The following DENND5A variants were observed in gnomAD, a reference collection of about 807,000 sequenced individuals.
DENND5A encodes the protein DENN domain-containing protein 5A.
DENND5A carries 64 observed loss-of-function variants against 140.3 expected under a neutral mutation model. The observed-to-expected ratio is 0.46, with a 90% CI of 0.37 to 0.56. The LOEUF (loss-of-function observed/expected upper bound fraction) is 0.56, where lower values mean the gene tolerates loss of function less well. Ranked by LOEUF, DENND5A falls within the 20% of genes least tolerant of loss-of-function variation. The pLI is 0.00. For missense variants in DENND5A, 1,292 were observed against 1,593.8 expected (o/e 0.81, Z 3.22); for synonymous variants, 605 against 607.7 (o/e 1.00, Z 0.07).
chr11:9,218,469 G>A (rs1023300286), intron 1 of DENND5A, among the ~76,000 whole-genome samples: 1 of 152,088 alleles, frequency 6.6e-6, no homozygotes. Flanking sequence ...GGGATGCAGT[G>A]GCTCCCAGCT....
chr11:9,162,182 T>C (rs1224596764), intron 11 of DENND5A, among the ~76,000 whole-genome samples: 1 of 150,324 alleles, frequency 6.7e-6, no homozygotes, highest in East Asian at 1.9e-4. Context: ...GTGAAATATA[T>C]AATATATATA....
rs115717490 is a variant in DENND5A, at chr11:9,231,746, T to C, written c.110-24114A>G. Among the ~76,000 whole-genome samples, 548 of 145,080 alleles carry C rather than the reference T, an allele frequency of 3.8e-3. 6 individuals carry two copies. The highest frequency in any genetic ancestry group is 0.014 in the African/African-American group (526 of 38,578). Reference sequence around the variant, plus strand: ...AAAAAAAAAAAAGACTCTGGGAGCTTCCTGTTAGTTTACCCTCAGTAACAT... The same window carrying C: ...AAAAAAAAAAAAGACTCTGGGAGCTCCCTGTTAGTTTACCCTCAGTAACAT... On this transcript the variant is annotated intron_variant, in intron 1 of 22. Transcript: ENST00000328194.
intron 1 of DENND5A, among the ~76,000 whole-genome samples, chr11:9,261,355 T>TA (rs1852189395): frequency 6.6e-6 from 1 of 152,154 alleles, no homozygotes; most frequent in Non-Finnish European, 1.5e-5. Context: ...GGCTACAAAT[T>TA]ACAATTTCCT....
chr11:9,231,750 G>A (rs1850783341), intron 1 of DENND5A, among the ~76,000 whole-genome samples: 1 of 147,806 alleles, frequency 6.8e-6, no homozygotes, highest in Non-Finnish European at 1.5e-5. Flanking sequence ...GGAGCTTCCT[G>A]TTAGTTTACC....
intron 5 of DENND5A, among the ~76,000 whole-genome samples, chr11:9,186,897 A>G (rs1296820228): frequency 6.6e-6 from 1 of 152,176 alleles, no homozygotes; most frequent in Non-Finnish European, 1.5e-5. Flanking sequence ...TCTGGCCAAC[A>G]TGGTGAAACC....
At chr11:9,179,210 G>GA in intron 6 of DENND5A, 137 bp from the exon 7 acceptor site, 2 of 684,734 alleles carry the variant, frequency 2.9e-6, no homozygotes, top group East Asian at 5.5e-5. Context: ...AACAAAAGAG[G>GA]AAAAACTGGA....
intron 1 of DENND5A, among the ~76,000 whole-genome samples, chr11:9,246,004 G>T (rs369524636): frequency 1.3e-5 from 2 of 152,212 alleles, no homozygotes; most frequent in African/African-American, 4.8e-5. Flanking sequence ...TTCTACCAAA[G>T]TTAAGAAATT....
At chr11:9,207,234 A>G (rs905401785) in intron 2 of DENND5A, 1 of 483,232 alleles carries the variant, frequency 2.1e-6, no homozygotes, top group African/African-American at 2.0e-5. Context: ...AGAAATGAAA[A>G]GATGTAAGAA....
Position 9,265,172 on chromosome 11 carries a change from G to C in DENND5A, c.-103C>G. 1.7e-6 allele frequency: 1 copy of C among 588,878 alleles called. No individual in the cohort carries two copies. The highest frequency in any genetic ancestry group is 2.1e-6 in the Non-Finnish European group (1 of 465,974). The allele number at this position is 588,878 out of a possible 1,614,324, so 36.5% of individuals were successfully genotyped here. ...TCAGGCCGCCCCTCCCGCCGCCGCC[G>C]CTACCGCGGCTCGGGCCGCCGCCCC... is the stretch of plus-strand genomic sequence containing the variant. On this transcript the variant is annotated 5_prime_UTR_variant, in exon 1 of 23. Transcript: ENST00000328194. The surrounding 1 kb of genome is among the most constrained non-coding windows in gnomAD (Gnocchi z 4.7).
At chr11:9,194,073 A>G (rs1849233353) in intron 4 of DENND5A, among the ~76,000 whole-genome samples, 1 of 152,212 alleles carries the variant, frequency 6.6e-6, no homozygotes. Context: ...GGAAGCAAAA[A>G]CATGCTCAGT....
chr11:9,194,436 G>T (rs931311752), intron 4 of DENND5A, among the ~76,000 whole-genome samples: 2 of 151,964 alleles, frequency 1.3e-5, no homozygotes, highest in Non-Finnish European at 2.9e-5. Flanking sequence ...GGGCGTGGTG[G>T]CATGCACCTG....
intron 1 of DENND5A, among the ~76,000 whole-genome samples, chr11:9,254,025 G>C (rs1310524429): frequency 6.6e-6 from 1 of 151,886 alleles, no homozygotes; most frequent in Non-Finnish European, 1.5e-5. Context: ...GCATGGTGGC[G>C]CATGCCTATA....
At chr11:9,141,536 T>C (rs1215080704) in intron 22 of DENND5A, among the ~76,000 whole-genome samples, 1 of 152,182 alleles carries the variant, frequency 6.6e-6, no homozygotes, top group African/African-American at 2.4e-5. Flanking sequence ...CCCCCAGGCC[T>C]GCTCTTCTAC....
intron 19 of DENND5A, among the ~76,000 whole-genome samples, chr11:9,143,859 G>A (rs1255698474): frequency 6.6e-6 from 1 of 152,160 alleles, no homozygotes; most frequent in Non-Finnish European, 1.5e-5. Flanking sequence ...TATATACAGC[G>A]CCCAGGTTTG....
intron 1 of DENND5A, among the ~76,000 whole-genome samples, chr11:9,244,265 A>G (rs1851369666): frequency 6.6e-6 from 1 of 152,244 alleles, no homozygotes; most frequent in Non-Finnish European, 1.5e-5. Context: ...GGTGTTGCCA[A>G]TGTGATAGTA....
intron 1 of DENND5A, among the ~76,000 whole-genome samples, chr11:9,241,236 T>G (rs1851222720): frequency 6.6e-6 from 1 of 152,188 alleles, no homozygotes; most frequent in Non-Finnish European, 1.5e-5. Flanking sequence ...GTGCGTAACA[T>G]TAAAACTCTT....
intron 16 of DENND5A, among the ~76,000 whole-genome samples, chr11:9,146,145 A>G (rs761139729): frequency 6.6e-6 from 1 of 152,210 alleles, no homozygotes; most frequent in Non-Finnish European, 1.5e-5. Context: ...ACTGCTTTTT[A>G]GAGCACTCTT....
chr11:9,177,416 C>G (rs1481094547), intron 8 of DENND5A, among the ~76,000 whole-genome samples: 1 of 151,712 alleles, frequency 6.6e-6, no homozygotes, highest in African/African-American at 2.4e-5. Flanking sequence ...CTTTGGGAGG[C>G]CAAGACAGGA....
At position 9,178,240 on chromosome 11, in the gene DENND5A, C is replaced by A; in HGVS notation, c.1798G>T (p.Val600Leu). Residue 600 changes from valine to leucine, a missense_variant, in exon 8 of 23, where the codon GTA (valine) becomes TTA (leucine). Val to Leu is a conservative substitution (Grantham distance 32). Transcript: ENST00000328194. ...ACTCGGGAATCAAATACCCGGAGTA[C>A]AGGGTCTTTATCATCATCATCATGA... ...MCHDDDDKDP[V>L]LRVFDSRVDK... 1.2e-6 allele frequency: 2 copies of A among 1,613,962 alleles called. No homozygotes were observed. The highest frequency in any genetic ancestry group is 8.5e-7 in the Non-Finnish European group (1 of 1,179,878).
Sources: allele counts gnomAD v4.1 joint callset (sites outside exome capture counted in the v4.1 genomes callset), GRCh38; gene constraint gnomAD v4.1.1; non-coding constraint Gnocchi (gnomAD v3.1); transcripts MANE v1.5; gene names NCBI Gene and HGNC (gene_info 2026-07-23, HGNC 2026-07-21).